The following MAGI2 variants were observed in gnomAD, a reference collection of about 807,000 sequenced individuals.
MAGI2 encodes the protein membrane-associated guanylate kinase, WW and PDZ domain-containing protein 2.
MAGI2 carries 35 observed loss-of-function variants against 133.3 expected under a neutral mutation model. The observed-to-expected ratio is 0.26, with a 90% CI of 0.20 to 0.35. The LOEUF (loss-of-function observed/expected upper bound fraction) is 0.35. Among genes scored for constraint, MAGI2 ranks in the 10% least tolerant of loss-of-function variants. MAGI2 has a pLI of 1.00. For missense variants in MAGI2, 1,636 were observed against 1,863.4 expected, an observed-to-expected ratio of 0.88 and a Z score of 2.25; for synonymous variants, 729 against 710.6, an observed-to-expected ratio of 1.03 and a Z score of -0.41.
chr7:78,761,682 T>G (rs1375001686), intron 2 of MAGI2, among the ~76,000 whole-genome samples: 2 of 152,082 alleles, frequency 1.3e-5, no homozygotes, highest in Admixed American at 6.6e-5. Flanking sequence ...GGTCTCGAAC[T>G]CCTGACCTTA....
At chr7:78,514,292 A>G (rs1349946030) in intron 4 of MAGI2, among the ~76,000 whole-genome samples, 4 of 151,030 alleles carry the variant, frequency 2.6e-5, no homozygotes, top group Non-Finnish European at 5.9e-5. Flanking sequence ...TAAAATTATT[A>G]ATAGTAATAT....
At chr7:78,555,620 A>G (rs1241341370) in intron 3 of MAGI2, among the ~76,000 whole-genome samples, 1 of 152,218 alleles carries the variant, frequency 6.6e-6, no homozygotes, top group East Asian at 1.9e-4. Flanking sequence ...GCACTTGGGA[A>G]CTGAGTTTAT....
intron 1 of MAGI2, among the ~76,000 whole-genome samples, chr7:79,108,040 A>T (rs1818586989): frequency 6.6e-6 from 1 of 152,220 alleles, no homozygotes. Flanking sequence ...ACCTGATATG[A>T]CTAAGAAGTT....
intron 1 of MAGI2, among the ~76,000 whole-genome samples, chr7:79,366,881 C>A (rs1181998670): frequency 6.6e-6 from 1 of 152,092 alleles, no homozygotes; most frequent in African/African-American, 2.4e-5. Context: ...ATTCCTAATA[C>A]ATAATAATTT....
chr7:78,427,379 T>C (rs1799379418), intron 6 of MAGI2, among the ~76,000 whole-genome samples: 1 of 151,320 alleles, frequency 6.6e-6, no homozygotes, highest in African/African-American at 2.4e-5. Flanking sequence ...AAAGAAAAAG[T>C]GAAAGTAAAA....
At chr7:78,220,000 T>C (rs1287309536) in intron 10 of MAGI2, among the ~76,000 whole-genome samples, 1 of 152,190 alleles carries the variant, frequency 6.6e-6, no homozygotes, top group African/African-American at 2.4e-5. Flanking sequence ...TTTTCTTCTA[T>C]AGTGGTGTCC....
intron 9 of MAGI2, among the ~76,000 whole-genome samples, chr7:78,275,216 T>C (rs11768204): frequency 0.19 from 29,479 of 152,066 alleles, 3,264 homozygotes; most frequent in South Asian, 0.31. Context: ...CCCCAACCCC[T>C]TGTGCTTCCC....
At chr7:78,436,903 G>T (rs939634677) in intron 6 of MAGI2, among the ~76,000 whole-genome samples, 7 of 152,164 alleles carry the variant, frequency 4.6e-5, no homozygotes, top group African/African-American at 1.7e-4. Context: ...GTCCACTGCA[G>T]GGGGATGGAA....
At chr7:78,770,013 C>T (rs574308771) in intron 2 of MAGI2, among the ~76,000 whole-genome samples, 12 of 152,176 alleles carry the variant, frequency 7.9e-5, no homozygotes, top group Non-Finnish European at 1.5e-4. Flanking sequence ...TACCTCTGGG[C>T]AGTTTACTTC....
chr7:79,055,407 T>G (rs1813063758), intron 1 of MAGI2, among the ~76,000 whole-genome samples: 1 of 152,218 alleles, frequency 6.6e-6, no homozygotes, highest in South Asian at 2.1e-4. Flanking sequence ...TTTAAAATTC[T>G]GCAATTCTAA....
At chr7:78,373,650 G>T (rs1010144592) in intron 6 of MAGI2, among the ~76,000 whole-genome samples, 7 of 151,994 alleles carry the variant, frequency 4.6e-5, no homozygotes, top group Non-Finnish European at 8.8e-5. Flanking sequence ...TCTTATCTGG[G>T]TATATTTCAT....
chr7:78,757,969 C>T (rs75130550), intron 2 of MAGI2, among the ~76,000 whole-genome samples: 2,386 of 152,286 alleles, frequency 0.016, 74 homozygotes, highest in African/African-American at 0.055. Context: ...GACAAATAAG[C>T]ATGGCAAACA....
intron 2 of MAGI2, among the ~76,000 whole-genome samples, chr7:78,758,933 T>C (rs1221300363): frequency 6.6e-6 from 1 of 152,204 alleles, no homozygotes; most frequent in Admixed American, 6.5e-5. Context: ...AAATAATTTG[T>C]TTACACGTCT....
At chr7:79,434,763 T>A (rs932880260) in intron 1 of MAGI2, among the ~76,000 whole-genome samples, 2 of 152,212 alleles carry the variant, frequency 1.3e-5, no homozygotes, top group African/African-American at 4.8e-5. Context: ...TTAACTTGAC[T>A]GGGCCATGGG....
intron 1 of MAGI2, among the ~76,000 whole-genome samples, chr7:79,385,565 T>A (rs1329298520): frequency 7.0e-6 from 1 of 143,780 alleles, no homozygotes; most frequent in African/African-American, 2.7e-5. Context: ...CCTTACCCAT[T>A]TTTGACCTTA....
chr7:78,695,580 A>C lies in MAGI2; in HGVS notation c.419-68341T>G, dbSNP rs1016774400. On this transcript the variant is annotated intron_variant, in intron 2 of 21. Coordinates refer to ENST00000354212, the MANE Select transcript of MAGI2 (RefSeq NM_012301.4). ...GTTTCTAGACATTTCACCACTGGTC[A>C]TCCTTCTATGCAAGAGTGAGTGACT... 2.0e-5 allele frequency among the ~76,000 whole-genome samples: 3 copies of C among 152,186 alleles called. No individual in the cohort carries two copies. The South Asian group carries it at 6.2e-4, about 31-fold the overall frequency.
intron 1 of MAGI2, among the ~76,000 whole-genome samples, chr7:79,193,728 C>G (rs999647875): frequency 6.6e-6 from 1 of 151,762 alleles, no homozygotes; most frequent in African/African-American, 2.4e-5. Flanking sequence ...AGTACTTTCT[C>G]CCCCCACCAC....
chr7:79,185,592 T>A lies in MAGI2; in HGVS notation c.302-178386A>T, dbSNP rs546907616. On this transcript the variant is annotated intron_variant, in intron 1 of 21. Transcript: ENST00000354212. The stretch of plus-strand genomic sequence containing the variant: ...TATTCAATGGCGTTTGCTAAATGAA[T>A]GAATTAATCAATGAATGCATCAACC... Among the ~76,000 whole-genome samples, 12 of 150,576 alleles carry A rather than the reference T, an allele frequency of 8.0e-5. No individual in the cohort carries two copies. In the South Asian group the frequency reaches 2.3e-3, roughly 29 times the overall value.
intron 3 of MAGI2, among the ~76,000 whole-genome samples, chr7:78,523,573 T>G (rs1796696454): frequency 6.6e-6 from 1 of 152,126 alleles, no homozygotes; most frequent in Admixed American, 6.5e-5. Flanking sequence ...TGACTCACAT[T>G]TTCACAAGGC....
Sources: gnomAD v4.1 joint callset for allele counts (sites outside exome capture counted in the v4.1 genomes callset) on GRCh38, gnomAD v4.1.1 for gene constraint, MANE v1.5 for transcripts, NCBI Gene and HGNC (gene_info 2026-07-23, HGNC 2026-07-21) for gene names.